The following CEP57 variants were observed in gnomAD, a reference collection of about 807,000 sequenced individuals.
The protein encoded by CEP57 is centrosomal protein of 57 kDa.
A neutral mutation model predicts 68.0 loss-of-function variants in CEP57; 40 were observed. The ratio of observed to expected loss-of-function variants is 0.59; its 90% CI spans 0.46 to 0.77. The LOEUF (loss-of-function observed/expected upper bound fraction) is 0.77. CEP57 is among the 30% of genes least tolerant of loss of function. The probability of loss-of-function intolerance (pLI) is 0.00; values close to 1 mark genes in which losing one functional copy is unlikely to be tolerated. For synonymous variants in CEP57, 219 were observed against 198.7 expected (o/e 1.10, Z -0.86); for missense variants, 606 against 580.7 (o/e 1.04, Z -0.45).
chr11:95,817,735 T>G, intron 4 of CEP57, 52 bp from the exon 5 acceptor site: 2 of 1,241,952 alleles, frequency 1.6e-6, no homozygotes, highest in East Asian at 2.3e-5. Flanking sequence ...CTCAGTGTTT[T>G]TCTCTTTTTT....
intron 1 of CEP57, among the ~76,000 whole-genome samples, chr11:95,798,298 A>C (rs1377161898): frequency 6.6e-6 from 1 of 152,230 alleles, no homozygotes; most frequent in Non-Finnish European, 1.5e-5. Context: ...TAAAATCTTT[A>C]ATTTTAAATA....
In CEP57 at chr11:95,790,534, G is replaced by C. The variant is rs189483870; in HGVS notation, c.-165G>C. ...AGCTGTGAGCGTAGGCGGCCCTGAG[G>C]GGGTGTGTTGCAGGGGTTTCCAAGC... On this transcript the variant is annotated 5_prime_UTR_variant, in exon 1 of 11. Coordinates refer to ENST00000325542, the MANE Select transcript of CEP57 (RefSeq NM_014679.5). 5.2e-4 allele frequency: 376 copies of C among 728,706 alleles called. No individual in the cohort carries two copies. The African/African-American group carries it at 6.1e-3, about 12-fold the overall frequency. 45.1% of individuals were successfully genotyped at this position (728,706 alleles called of 1,614,324 possible).
chr11:95,795,902 T>G (rs1861325405), intron 1 of CEP57, among the ~76,000 whole-genome samples: 1 of 152,194 alleles, frequency 6.6e-6, no homozygotes. Context: ...TGGAAATAAT[T>G]GCCTTTTATA....
At chr11:95,817,219 T>C (rs1565325923) in intron 4 of CEP57, among the ~76,000 whole-genome samples, 1 of 151,270 alleles carries the variant, frequency 6.6e-6, no homozygotes, top group Non-Finnish European at 1.5e-5. Flanking sequence ...TACAAAAAAT[T>C]AGCCGGGCGT....
At position 95,813,471 on chromosome 11, in the gene CEP57, T is replaced by C. The variant is rs1486150227; in HGVS notation, c.386T>C (p.Leu129Pro). The C allele has an allele frequency of 1.2e-6, 2 of 1,611,580 alleles. No homozygotes were observed. The highest frequency in any genetic ancestry group is 4.5e-5 in the East Asian group (2 of 44,828). Residue 129 changes from leucine (L) to proline (P), a missense_variant, in exon 4 of 11, where the codon CTG becomes CCG. Physicochemically the swap from Leu to Pro is moderately conservative, Grantham distance 98. Transcript: ENST00000325542. ...KNEESKHNQE[L>P]TSQLLAAENK... ...TTTTCTTATGTATTCTTTTTAGAAC[T>C]GACATCTCAGTTGTTAGCTGCAGAA...
At chr11:95,816,968 G>A (rs1294176740) in intron 4 of CEP57, among the ~76,000 whole-genome samples, 1 of 150,604 alleles carries the variant, frequency 6.6e-6, no homozygotes, top group Non-Finnish European at 1.5e-5. Context: ...CTGAGATGAT[G>A]CCACCGCACT....
rs1308324796 is a variant in CEP57 at position 95,813,604 on chromosome 11, TC to T, written c.504+16del. On this transcript the variant is annotated intron_variant, in intron 4 of 10. Coordinates refer to ENST00000325542, the MANE Select transcript of CEP57 (RefSeq NM_014679.5). ...TAGAGAAACAAGTAAGTAAAGCACC[TC>T]ACAGATTGATACTCAAGAACAGTTA... 1.9e-6 allele frequency: 3 copies of T among 1,611,866 alleles called. No individual in the cohort carries two copies. The African/African-American group carries it at 4.0e-5, about 22-fold the overall frequency.
Position 95,790,574 on chromosome 11 carries a change from C to G in CEP57, c.-125C>G, listed in dbSNP as rs539682164. The G allele has an allele frequency of 1.3e-3, 1,531 of 1,175,498 alleles. 3 individuals are homozygous for G. The highest frequency in any genetic ancestry group is 1.7e-3 in the Non-Finnish European group (1,409 of 808,748). The allele number at this position is 1,175,498 out of a possible 1,614,324, so 72.8% of individuals were successfully genotyped here. A position where few individuals can be genotyped will look rare whatever the true frequency, so the allele number is the denominator to read the frequency against. On this transcript the variant is annotated 5_prime_UTR_variant, in exon 1 of 11. Transcript: ENST00000325542. ...GGTTTCCAAGCCCAGCACCAGCACCCTTGCCCTTTTCCATCAGGGGTTCAG... is the reference window on the plus strand; with the variant it reads ...GGTTTCCAAGCCCAGCACCAGCACCGTTGCCCTTTTCCATCAGGGGTTCAG...
rs1351785176 is a variant in CEP57 at position 95,790,706 on chromosome 11, C to T, written c.8C>T (p.Ala3Val). ...CCCTGGGCAGGCTGAAAGATGGCGG[C>T]GGCGTCTGTCTCTGCGGCTTCTGGT... MA[A>V]ASVSAASGSH... Residue 3 changes from alanine to valine, a missense_variant, in exon 1 of 11, where the codon GCG (alanine) becomes GTG (valine). Physicochemically the swap from Ala to Val is moderately conservative, Grantham distance 64 (BLOSUM62 0). Coordinates refer to ENST00000325542, the MANE Select transcript of CEP57 (RefSeq NM_014679.5). The T allele has an allele frequency of 6.2e-7, 1 of 1,614,032 alleles. No individual in the cohort carries two copies. The highest frequency in any genetic ancestry group is 1.3e-5 in the African/African-American group (1 of 75,078).
Position 95,832,407 on chromosome 11 carries a change from C to T in CEP57, c.*1151C>T, listed in dbSNP as rs1173058242. ...AAGAATATTAGATTTCCTCATGATACAAGATACTACAGTAACAGGCTTTAA... is the reference window on the plus strand; with the variant it reads ...AAGAATATTAGATTTCCTCATGATATAAGATACTACAGTAACAGGCTTTAA... On this transcript the variant is annotated 3_prime_UTR_variant, in exon 11 of 11. Coordinates refer to ENST00000325542, the MANE Select transcript of CEP57 (RefSeq NM_014679.5). The T allele has an allele frequency of 1.3e-5, 2 of 151,792 alleles. No individual in the cohort carries two copies. The highest frequency in any genetic ancestry group is 4.8e-5 in the African/African-American group (2 of 41,386). The allele number at this position is 151,792 out of a possible 1,614,324, so 9.4% of individuals were successfully genotyped here.
chr11:95,807,912 A>G (rs552063934), intron 2 of CEP57, among the ~76,000 whole-genome samples: 1 of 152,332 alleles, frequency 6.6e-6, no homozygotes, highest in South Asian at 2.1e-4. Context: ...CAAGACACAT[A>G]ATTGTCAGAT....
At chr11:95,804,476 G>A (rs1002267012) in intron 2 of CEP57, among the ~76,000 whole-genome samples, 11 of 152,134 alleles carry the variant, frequency 7.2e-5, no homozygotes, top group East Asian at 3.9e-4. Flanking sequence ...TGTGGGTAGC[G>A]ACTGGAGAAC....
intron 2 of CEP57, among the ~76,000 whole-genome samples, chr11:95,805,713 A>G (rs1009208416): frequency 3.9e-5 from 6 of 152,218 alleles, no homozygotes; most frequent in Admixed American, 3.9e-4. Context: ...ATCAATGTTT[A>G]TGAAATTTTA....
chr11:95,829,822 C>CT (rs1435435091), intron 10 of CEP57, among the ~76,000 whole-genome samples: 1 of 152,058 alleles, frequency 6.6e-6, no homozygotes, highest in East Asian at 1.9e-4. Flanking sequence ...ACTGTAGTGA[C>CT]TAGGGGTAGG....
chr11:95,815,822 G>C (rs1475447265), intron 4 of CEP57, among the ~76,000 whole-genome samples: 1 of 152,126 alleles, frequency 6.6e-6, no homozygotes, highest in Non-Finnish European at 1.5e-5. Flanking sequence ...TTCTGTTCCA[G>C]ATTTATGTTA....
intron 3 of CEP57, 101 bp downstream of exon 3, chr11:95,813,212 C>A: frequency 1.7e-6 from 2 of 1,209,434 alleles, no homozygotes; most frequent in Non-Finnish European, 1.2e-6. Flanking sequence ...GCGGTATCTT[C>A]AAGTACTACA....
Position 95,790,547 on chromosome 11 carries a change from G to T in CEP57, c.-152G>T. 1 of 849,176 alleles carries T rather than the reference G, an allele frequency of 1.2e-6. No individual in the cohort carries two copies. Among genetic ancestry groups the T allele is most frequent in the Non-Finnish European group, 1.9e-6 (1 of 528,536 alleles). The allele number at this position is 849,176 out of a possible 1,614,324, so 52.6% of individuals were successfully genotyped here. On this transcript the variant is annotated 5_prime_UTR_variant, in exon 1 of 11. It adds an upstream start codon to the 5' untranslated region. Transcript: ENST00000325542. ...GGCGGCCCTGAGGGGGTGTGTTGCA[G>T]GGGTTTCCAAGCCCAGCACCAGCAC... is the stretch of plus-strand genomic sequence containing the variant.
intron 8 of CEP57, 31 bp from the exon 9 acceptor site, chr11:95,827,755 A>G (rs1862805522): frequency 1.2e-6 from 2 of 1,613,152 alleles, no homozygotes; most frequent in East Asian, 2.2e-5. Flanking sequence ...TATAACTTCA[A>G]TTACTTCTTT....
At position 95,831,115 on chromosome 11, in the gene CEP57, T is replaced by C; in HGVS notation, c.1362T>C (p.Ser454=). Residue 454 remains serine, a synonymous_variant, in exon 11 of 11, where the codon TCT becomes TCC. Transcript: ENST00000325542. ...LDEERNSSSR[S]GITGTTNKKD... ...AAGAAAGAAACAGCAGCAGCCGTTCTGGAATCACAGGGACCACAAATAAGA... is the reference window on the plus strand; with the variant it reads ...AAGAAAGAAACAGCAGCAGCCGTTCCGGAATCACAGGGACCACAAATAAGA... The C allele has an allele frequency of 6.2e-7, 1 of 1,613,568 alleles. No individual in the cohort carries two copies. The highest frequency in any genetic ancestry group is 8.5e-7 in the Non-Finnish European group (1 of 1,179,590).
Sources: gnomAD v4.1 joint callset for allele counts (sites outside exome capture counted in the v4.1 genomes callset) on GRCh38, gnomAD v4.1.1 for gene constraint, MANE v1.5 for transcripts, NCBI Gene and HGNC (gene_info 2026-07-23, HGNC 2026-07-21) for gene names.